Variants in ATOH8 observed in about 807,000 individuals in gnomAD.
ATOH8 encodes atonal bHLH transcription factor 8, also known as transcription factor ATOH8.
In ATOH8, 9 loss-of-function variants were observed where a neutral mutation model predicts 21.2. That is an observed-to-expected ratio of 0.42 (90% CI 0.26 to 0.74). The LOEUF (loss-of-function observed/expected upper bound fraction) is 0.74. ATOH8 is among the 30% of genes least tolerant of loss of function. The pLI, the probability that ATOH8 is intolerant of heterozygous loss-of-function variation, is 0.24. For synonymous variants in ATOH8, 253 were observed against 224.0 expected, an observed-to-expected ratio of 1.13 and a Z score of -1.16; for missense variants, 524 against 470.9, an observed-to-expected ratio of 1.11 and a Z score of -1.04.
In ATOH8 at chr2:85,788,379, G is replaced by A. The variant is rs903977994; in HGVS notation, c.*1489G>A. On this transcript the variant is annotated 3_prime_UTR_variant, in exon 3 of 3. Coordinates refer to ENST00000306279, the MANE Select transcript of ATOH8 (RefSeq NM_032827.7). ...ATTATTAACCCCGTTTCACAGATGG[G>A]GTAACTGAGGCCTCAAGTAGACAGG... Among the ~76,000 whole-genome samples the A allele has an allele frequency of 3.3e-5, 5 of 152,106 alleles. No individual in the cohort carries two copies. The highest frequency in any genetic ancestry group is 9.7e-5 in the African/African-American group (4 of 41,402).
chr2:85,783,355 A>C (rs1175957211), intron 2 of ATOH8, among the ~76,000 whole-genome samples: 1 of 152,096 alleles, frequency 6.6e-6, no homozygotes, highest in African/African-American at 2.4e-5. Context: ...GGATCATCTG[A>C]GGTTGGAAGT....
chr2:85,761,540 C>T (rs940298866), intron 1 of ATOH8, among the ~76,000 whole-genome samples: 1 of 152,160 alleles, frequency 6.6e-6, no homozygotes. Context: ...TGGATCACAG[C>T]GTACAGATCC....
rs566164540 is a variant in ATOH8, at chr2:85,767,830, A to G, written c.960+3648A>G. On this transcript the variant is annotated intron_variant, in intron 2 of 2. Coordinates refer to ENST00000306279, the MANE Select transcript of ATOH8 (RefSeq NM_032827.7). ...AAGCTGTGGACTGTGGAGGGGACCC[A>G]GGAGGGCTGGAGAGATTGCCCAGAG... Among the ~76,000 whole-genome samples the G allele has an allele frequency of 1.4e-3, 206 of 152,296 alleles. 1 individual carries two copies. Among genetic ancestry groups the G allele is most frequent in the African/African-American group, 4.8e-3 (198 of 41,566 alleles).
intron 2 of ATOH8, among the ~76,000 whole-genome samples, chr2:85,764,573 G>A (rs1298077511): frequency 6.6e-6 from 1 of 152,244 alleles, no homozygotes; most frequent in East Asian, 1.9e-4. Flanking sequence ...GCCCAGGAGA[G>A]CCCTTTGGCA....
At chr2:85,765,997 C>T (rs1199064632) in intron 2 of ATOH8, among the ~76,000 whole-genome samples, 1 of 152,142 alleles carries the variant, frequency 6.6e-6, no homozygotes, top group Non-Finnish European at 1.5e-5. Context: ...AGCACAGCCC[C>T]GAGTTCAAGC....
chr2:85,785,899 C>G lies in ATOH8; in HGVS notation c.961-986C>G, dbSNP rs1430097428. The stretch of plus-strand genomic sequence containing the variant: ...GTTGCTTTAAGAGGGTTATGTTGTA[C>G]CAGGTTCAGGGACTTTGTTATTTTT... On this transcript the variant is annotated intron_variant, in intron 2 of 2. Coordinates refer to ENST00000306279, the MANE Select transcript of ATOH8 (RefSeq NM_032827.7). This position sits in a 1 kb window ranked among gnomAD's most constrained non-coding sequence, Gnocchi z 4.1. Among the ~76,000 whole-genome samples, 7 of 152,142 alleles carry G rather than the reference C, an allele frequency of 4.6e-5. No individual in the cohort carries two copies. The highest frequency in any genetic ancestry group is 5.9e-5 in the Non-Finnish European group (4 of 68,024).
Position 85,754,728 on chromosome 2 carries a change from G to C in ATOH8, c.539G>C (p.Arg180Pro), listed in dbSNP as rs768458778. Residue 180 changes from arginine to proline, a missense_variant, in exon 1 of 3, where the codon CGC becomes CCC. Transcript: ENST00000306279. The stretch of plus-strand genomic sequence containing the variant: ...CCAGCGCCCCCGGAGTCCACTGTGC[G>C]CCCTGCGCCCCCGACGCGCCCCGGG... Reference protein sequence around the residue: ...APPAPPESTVRPAPPTRPGES... With the variant: ...APPAPPESTVPPAPPTRPGES... 6.2e-7 allele frequency: 1 copy of C among 1,612,238 alleles called. No homozygotes were observed. Among genetic ancestry groups the C allele is most frequent in the Non-Finnish European group, 8.5e-7 (1 of 1,179,582 alleles).
intron 1 of ATOH8, among the ~76,000 whole-genome samples, chr2:85,757,359 T>C (rs1679736241): frequency 6.6e-6 from 1 of 152,202 alleles, no homozygotes; most frequent in Non-Finnish European, 1.5e-5. Flanking sequence ...CAGTCTTCTC[T>C]GTAAAATGTA....
chr2:85,754,693 C>G lies in ATOH8; in HGVS notation c.504C>G (p.Pro168=). The G allele has an allele frequency of 6.2e-7, 1 of 1,604,734 alleles. No homozygotes were observed. Among genetic ancestry groups the G allele is most frequent in the Non-Finnish European group, 8.5e-7 (1 of 1,175,986 alleles). ...CCGCGCGCCCCGCGCCGTCAGCACC[C>G]CCAGCACCGCCAGCGCCCCCGGAGT... is the stretch of plus-strand genomic sequence containing the variant. ...APPARPAPSA[P]PAPPAPPEST... is the part of the protein sequence containing the mutation. Residue 168 remains proline (P), a synonymous_variant, in exon 1 of 3, where the codon CCC becomes CCG. Transcript: ENST00000306279.
At position 85,754,435 on chromosome 2, in the gene ATOH8, G is replaced by A. The variant is rs1244195628; in HGVS notation, c.246G>A (p.Pro82=). The A allele has an allele frequency of 6.6e-7, 1 of 1,525,554 alleles. No individual in the cohort carries two copies. The highest frequency in any genetic ancestry group is 1.3e-5 in the South Asian group (1 of 79,166). 94.5% of individuals were successfully genotyped at this position (1,525,554 alleles called of 1,614,324 possible). A position where few individuals can be genotyped will look rare whatever the true frequency, so the allele number is the denominator to read the frequency against. ...TGCCGGTGCCAGTCCCAGTGGCGCC[G>A]GCCGTTCCCCCAAGAGGGGGCACGG... is the stretch of plus-strand genomic sequence containing the variant. ...VPVPVPVPVA[P]AVPPRGGTDT... is the part of the protein sequence containing the mutation. The change falls in exon 1 of 3, where the codon CCG becomes CCA. Residue 82 remains proline, a synonymous_variant. Coordinates refer to ENST00000306279, the MANE Select transcript of ATOH8 (RefSeq NM_032827.7).
At chr2:85,780,157 C>T (rs1185320708) in intron 2 of ATOH8, among the ~76,000 whole-genome samples, 1 of 152,132 alleles carries the variant, frequency 6.6e-6, no homozygotes, top group Non-Finnish European at 1.5e-5. Context: ...CCAGCCCCAG[C>T]CCTGCACTTG....
chr2:85,781,884 AT>A (rs1680506125), intron 2 of ATOH8, among the ~76,000 whole-genome samples: 3 of 57,052 alleles, frequency 5.3e-5, no homozygotes, highest in African/African-American at 4.0e-4. Flanking sequence ...TCTAAAAAAA[AT>A]AAAAAATAAA....
chr2:85,765,751 C>T (rs1679997631), intron 2 of ATOH8, among the ~76,000 whole-genome samples: 2 of 152,178 alleles, frequency 1.3e-5, no homozygotes, highest in Admixed American at 6.5e-5. Flanking sequence ...CGTGGAGGTC[C>T]CGCCTTCCCG....
chr2:85,777,043 A>G (rs1441938452), intron 2 of ATOH8, among the ~76,000 whole-genome samples: 1 of 152,116 alleles, frequency 6.6e-6, no homozygotes. Flanking sequence ...GTGTTAAAAG[A>G]TGAGTAAAAC....
intron 2 of ATOH8, among the ~76,000 whole-genome samples, chr2:85,776,837 T>C (rs1558615972): frequency 6.6e-6 from 1 of 152,052 alleles, no homozygotes; most frequent in African/African-American, 2.4e-5. Flanking sequence ...CCACCTGGAA[T>C]CTGGAGAGCC....
rs79840800 is a variant in ATOH8, at chr2:85,759,487, C to G, written c.769-4504C>G. The stretch of plus-strand genomic sequence containing the variant: ...TTACAGAGAGGTGACGCAGATTGCT[C>G]AAGCCCACAGAGTGACCAGGATCTG... On this transcript the variant is annotated intron_variant, in intron 1 of 2. Transcript: ENST00000306279. Among the ~76,000 whole-genome samples, 1,481 of 152,246 alleles carry G rather than the reference C, an allele frequency of 9.7e-3. 169 individuals carry two copies. The East Asian group carries it at 0.24, about 25-fold the overall frequency.
intron 1 of ATOH8, among the ~76,000 whole-genome samples, chr2:85,762,466 G>A (rs920246250): frequency 4.6e-5 from 7 of 152,116 alleles, no homozygotes; most frequent in Admixed American, 1.3e-4. Context: ...GCCTGTTATG[G>A]GCAGGACCTG....
rs570431285 is a variant in ATOH8, at chr2:85,775,166, A to T, written c.960+10984A>T. On this transcript the variant is annotated intron_variant, in intron 2 of 2. Coordinates refer to ENST00000306279, the MANE Select transcript of ATOH8 (RefSeq NM_032827.7). ...ATGCGATGTGATATTACATCCCATG[A>T]CACTATGTTACACAGTGTTGGATTA... 22 of 955,404 alleles carry T rather than the reference A, an allele frequency of 2.3e-5. No homozygotes were observed. In the Admixed American group the frequency reaches 5.5e-4, roughly 24 times the overall value. The allele number at this position is 955,404 out of a possible 1,614,324, so 59.2% of individuals were successfully genotyped here.
rs560944173 is a variant in ATOH8 at position 85,754,256 on chromosome 2, C to G, written c.67C>G (p.Leu23Val). 29 of 1,610,084 alleles carry G rather than the reference C, an allele frequency of 1.8e-5. 1 individual carries two copies. The South Asian group carries it at 3.1e-4, about 17-fold the overall frequency. ...KTVCVKELNGLKKLKRKGKEP... is the reference protein window; with the variant it reads ...KTVCVKELNGVKKLKRKGKEP... ...CGTGTGCGTGAAGGAGCTGAACGGCCTTAAGAAGCTCAAGCGGAAAGGCAA... is the reference window on the plus strand; with the variant it reads ...CGTGTGCGTGAAGGAGCTGAACGGCGTTAAGAAGCTCAAGCGGAAAGGCAA... The change falls in exon 1 of 3, where the codon CTT (leucine) becomes GTT (valine). Residue 23 changes from leucine (L) to valine (V), a missense_variant. Leu to Val is a conservative substitution (Grantham distance 32). Transcript: ENST00000306279.
Sources: allele counts gnomAD v4.1 joint callset (sites outside exome capture counted in the v4.1 genomes callset), GRCh38; gene constraint gnomAD v4.1.1; non-coding constraint Gnocchi (gnomAD v3.1); transcripts MANE v1.5; gene names NCBI Gene and HGNC (gene_info 2026-07-23, HGNC 2026-07-21).